Variants in DOP1B observed in about 807,000 individuals in gnomAD.
The protein encoded by DOP1B is DOP1 leucine zipper like protein B.
A neutral mutation model predicts 233.5 loss-of-function variants in DOP1B; 174 were observed. The observed-to-expected ratio is 0.75, with a 90% CI of 0.66 to 0.85. The LOEUF (loss-of-function observed/expected upper bound fraction) is 0.85, where lower values mean the gene tolerates loss of function less well. DOP1B is among the 40% of genes least tolerant of loss of function. DOP1B has a pLI of 0.00. For synonymous variants in DOP1B, 1,190 were observed against 1,185.6 expected (o/e 1.00, Z -0.08); for missense variants, 2,652 against 2,846.6 (o/e 0.93, Z 1.56).
intron 17 of DOP1B, 139 bp downstream of exon 17, chr21:36,238,840 C>G (rs377625445): frequency 1.3e-6 from 1 of 790,686 alleles, no homozygotes; most frequent in Non-Finnish European, 2.1e-6. Context: ...TGGTGGCTCA[C>G]GCCTGTAATC....
intron 27 of DOP1B, among the ~76,000 whole-genome samples, chr21:36,270,912 C>CAA (rs71326665): frequency 0.013 from 1,695 of 127,686 alleles, 21 homozygotes; most frequent in Middle Eastern, 0.048. Flanking sequence ...GACTACACCT[C>CAA]AAAAAAAAAA....
At chr21:36,192,121 G>C (rs1019438135) in intron 2 of DOP1B, among the ~76,000 whole-genome samples, 1 of 152,032 alleles carries the variant, frequency 6.6e-6, no homozygotes, top group African/African-American at 2.4e-5. Flanking sequence ...CACTTTGAGA[G>C]GCTGAGGTGG....
At chr21:36,292,823 AG>A (rs575012675) in intron 36 of DOP1B, among the ~76,000 whole-genome samples, 145 of 152,176 alleles carry the variant, frequency 9.5e-4, no homozygotes, top group African/African-American at 3.3e-3. Context: ...CATATTGGTC[AG>A]GCTGGTCTCG....
At position 36,164,776 on chromosome 21, in the gene DOP1B, A is replaced by ATT. The variant is rs2065893827; in HGVS notation, c.43_44insTT (p.Arg15IlefsTer7). ...GGAGCTCTTAAATGATTACAGATAC[A>ATT]GAAGCTACTCTTCAGTGATTGAAAA... On this transcript the variant is annotated frameshift_variant, in exon 2 of 37. Transcript: ENST00000691173. LOFTEE classifies it high-confidence loss of function. 1 of 1,612,198 alleles carries ATT rather than the reference A, an allele frequency of 6.2e-7. No homozygotes were observed. Among genetic ancestry groups the ATT allele is most frequent in the African/African-American group, 1.3e-5 (1 of 74,934 alleles).
At chr21:36,221,490 A>G (rs1281336089) in intron 10 of DOP1B, among the ~76,000 whole-genome samples, 1 of 151,976 alleles carries the variant, frequency 6.6e-6, no homozygotes, top group Non-Finnish European at 1.5e-5. Flanking sequence ...GCGACACTTC[A>G]TCTCAAAAAA....
In DOP1B at chr21:36,277,514, C is replaced by T. The variant is rs571349347; in HGVS notation, c.5712+414C>T. 5.9e-5 allele frequency among the ~76,000 whole-genome samples: 9 copies of T among 152,254 alleles called. No homozygotes were observed. The East Asian group carries it at 1.7e-3, about 29-fold the overall frequency. On this transcript the variant is annotated intron_variant, in intron 28 of 36. Transcript: ENST00000691173. The stretch of plus-strand genomic sequence containing the variant: ...GCCAGGATGGTCTCAATCTCCTGAC[C>T]TCGTGATCCACCCACCTTGGCCTCC...
intron 12 of DOP1B, among the ~76,000 whole-genome samples, 170 bp from the exon 13 acceptor site, chr21:36,227,516 C>T (rs1198757090): frequency 6.6e-6 from 1 of 151,098 alleles, no homozygotes; most frequent in Admixed American, 6.6e-5. Context: ...CACTGCACTC[C>T]AGCCTGGGCT....
intron 2 of DOP1B, chr21:36,170,120 A>G (rs2835293): frequency 0.51 from 293,747 of 576,922 alleles, 75,508 homozygotes; most frequent in Non-Finnish European, 0.55. Flanking sequence ...CTATTTCTTC[A>G]CTCCTATGGC....
chr21:36,207,626 C>T (rs2066444808), intron 4 of DOP1B, among the ~76,000 whole-genome samples: 1 of 151,228 alleles, frequency 6.6e-6, no homozygotes, highest in Admixed American at 6.6e-5. Context: ...GGTCCTAGGT[C>T]CTGCATCTAG....
intron 2 of DOP1B, among the ~76,000 whole-genome samples, chr21:36,176,728 C>T (rs2066036529): frequency 6.6e-6 from 1 of 152,162 alleles, no homozygotes. Context: ...GGGGCCAGCC[C>T]AGCATCCATT....
rs533782134 is a variant in DOP1B at position 36,294,247 on chromosome 21, T to G, written c.*676T>G. ...TCTTTTCTCTAAAAGTTTAAACTTA[T>G]TAAAAGAATGTTATTTTTAACCTTT... On this transcript the variant is annotated 3_prime_UTR_variant, in exon 37 of 37. Coordinates refer to ENST00000691173, the MANE Select transcript of DOP1B (RefSeq NM_001320714.2). 1 of 152,756 alleles carries G rather than the reference T, an allele frequency of 6.5e-6. No homozygotes were observed. The highest frequency in any genetic ancestry group is 1.9e-4 in the East Asian group (1 of 5,188). The allele number at this position is 152,756 out of a possible 1,614,324, so 9.5% of individuals were successfully genotyped here. A position where few individuals can be genotyped will look rare whatever the true frequency, so the allele number is the denominator to read the frequency against.
intron 11 of DOP1B, among the ~76,000 whole-genome samples, chr21:36,223,997 T>C (rs777599365): frequency 8.5e-5 from 13 of 152,162 alleles, no homozygotes; most frequent in Non-Finnish European, 1.3e-4. Context: ...CTTGGCTGTT[T>C]CAGAGTCTTA....
At position 36,231,067 on chromosome 21, in the gene DOP1B, C is replaced by T; in HGVS notation, c.2283C>T (p.Ala761=). Residue 761 remains alanine, a synonymous_variant, in exon 14 of 37, where the codon GCC becomes GCT. Transcript: ENST00000691173. ...CCTGCCACCTGCTGCTGGATTGTGC[C>T]ACTTTCCCTGTCTACCTGTCCGAGG... is the stretch of plus-strand genomic sequence containing the variant. ...AAACHLLLDC[A]TFPVYLSEEE... 1 of 1,613,794 alleles carries T rather than the reference C, an allele frequency of 6.2e-7. No homozygotes were observed. Among genetic ancestry groups the T allele is most frequent in the Non-Finnish European group, 8.5e-7 (1 of 1,179,914 alleles).
At chr21:36,192,054 T>G (rs2066239973) in intron 2 of DOP1B, among the ~76,000 whole-genome samples, 1 of 151,534 alleles carries the variant, frequency 6.6e-6, no homozygotes, top group African/African-American at 2.4e-5. Flanking sequence ...AGTCTCAAAC[T>G]CCTTAGGATA....
At chr21:36,197,959 G>T (rs1247599129) in intron 2 of DOP1B, among the ~76,000 whole-genome samples, 1 of 150,898 alleles carries the variant, frequency 6.6e-6, no homozygotes, top group Non-Finnish European at 1.5e-5. Context: ...GGTGGAGGTT[G>T]CAGTGAGCCA....
Position 36,278,286 on chromosome 21 carries a change from C to T in DOP1B, c.5900C>T (p.Ala1967Val). 6.2e-7 allele frequency: 1 copy of T among 1,614,076 alleles called. No individual in the cohort carries two copies. Among genetic ancestry groups the T allele is most frequent in the Non-Finnish European group, 8.5e-7 (1 of 1,180,020 alleles). Residue 1967 changes from alanine to valine, a missense_variant, in exon 30 of 37, where the codon GCC (alanine) becomes GTC (valine). Around this residue, in one of 3 missense-constraint regions of DOP1B, gnomAD observed 2,617 missense variants for 2,794.3 expected, o/e 0.94. Transcript: ENST00000691173. ...SLSGYAYTKRAWRKEVLELFL... is the reference protein window; with the variant it reads ...SLSGYAYTKRVWRKEVLELFL... Reference sequence around the variant, plus strand: ...AGTGGCTATGCCTACACAAAGCGAGCCTGGAGGAAGGAGGTCCTGGAGCTG... The same window carrying T: ...AGTGGCTATGCCTACACAAAGCGAGTCTGGAGGAAGGAGGTCCTGGAGCTG...
intron 22 of DOP1B, 39 bp from the exon 23 acceptor site, chr21:36,253,733 C>T (rs866222293): frequency 6.3e-7 from 1 of 1,598,780 alleles, no homozygotes; most frequent in Non-Finnish European, 8.5e-7. Flanking sequence ...TTTACTTTCT[C>T]TCTATAAGCT....
intron 21 of DOP1B, among the ~76,000 whole-genome samples, chr21:36,249,154 C>T (rs890623596): frequency 2.0e-5 from 3 of 148,832 alleles, no homozygotes; most frequent in Non-Finnish European, 4.5e-5. Flanking sequence ...GAGCTAGGCG[C>T]GGTGGCTCAT....
chr21:36,170,126 A>C, intron 2 of DOP1B: 1 of 557,566 alleles, frequency 1.8e-6, no homozygotes. Context: ...CTTCACTCCT[A>C]TGGCAGGAAG....
Sources: allele counts gnomAD v4.1 joint callset (sites outside exome capture counted in the v4.1 genomes callset), GRCh38; gene constraint gnomAD v4.1.1; regional missense constraint gnomAD v4.1.1; transcripts MANE v1.5; gene names NCBI Gene and HGNC (gene_info 2026-07-23, HGNC 2026-07-21).